Variants in ANO8 observed in about 807,000 individuals in gnomAD.
ANO8 encodes the protein anoctamin 8.
In ANO8, 67 loss-of-function variants were observed where a neutral mutation model predicts 120.4. The observed-to-expected ratio is 0.56, with a 90% CI of 0.46 to 0.68. The LOEUF (loss-of-function observed/expected upper bound fraction) is 0.68, where lower values mean the gene tolerates loss of function less well. ANO8 is among the 30% of genes least tolerant of loss of function. The pLI is 0.00. For synonymous variants in ANO8, 727 were observed against 759.2 expected (o/e 0.96, Z 0.70); for missense variants, 1,526 against 1,737.6 (o/e 0.88, Z 2.16).
rs2074282207 is a variant in ANO8, at chr19:17,327,713, G to C, written c.2394C>G (p.Arg798=). The change falls in exon 14 of 18, where the codon CGC becomes CGG. Residue 798 remains arginine (R), a synonymous_variant. Coordinates refer to ENST00000159087, the MANE Select transcript of ANO8 (RefSeq NM_020959.3). ...CTGLQRPFGQ[R]VESIGQWQKV... is the part of the protein sequence containing the mutation. ...CCTGCCACTGGCCGATGCTTTCCAC[G>C]CGCTGGCCGAAGGGCCGCTGCAGCC... The C allele has an allele frequency of 1.9e-6, 3 of 1,613,654 alleles. No homozygotes were observed. Among genetic ancestry groups the C allele is most frequent in the Non-Finnish European group, 2.5e-6 (3 of 1,179,840 alleles).
chr19:17,334,826 C>A lies in ANO8; in HGVS notation c.-156G>T. The A allele has an allele frequency of 7.9e-7, 1 of 1,259,762 alleles. No individual in the cohort carries two copies. The highest frequency in any genetic ancestry group is 1.1e-6 in the Non-Finnish European group (1 of 946,624). 78.0% of individuals were successfully genotyped at this position (1,259,762 alleles called of 1,614,324 possible). A position where few individuals can be genotyped will look rare whatever the true frequency, so the allele number is the denominator to read the frequency against. ...GTCCTCGCTCGCCCGAGCGCTGCTT[C>A]TCGTCCCCGCCCGAGCCGAACCTCG... On this transcript the variant is annotated 5_prime_UTR_variant, in exon 1 of 18. Transcript: ENST00000159087.
chr19:17,333,739 C>T lies in ANO8; in HGVS notation c.168G>A (p.Trp56Ter). Reference protein sequence around the residue: ...AGRYLVSHKAWMKTVPTENCD... With the variant: ...AGRYLVSHKA ...AGTTCTCTGTAGGCACCGTCTTCAT[C>T]CACGCCTTGTGGGACACCAGGTAGC... Residue 56 changes from tryptophan to a stop codon, truncating the protein, a stop_gained, in exon 2 of 18, where the codon TGG becomes TGA. Transcript: ENST00000159087. LOFTEE classifies it high-confidence loss of function. The surrounding 1 kb of genome is among the most constrained non-coding windows in gnomAD (Gnocchi z 7.2). 1 of 1,609,904 alleles carries T rather than the reference C, an allele frequency of 6.2e-7. No individual in the cohort carries two copies. The highest frequency in any genetic ancestry group is 8.5e-7 in the Non-Finnish European group (1 of 1,179,072).
intron 9 of ANO8, 31 bp downstream of exon 9, chr19:17,330,321 G>A: frequency 6.2e-7 from 1 of 1,611,220 alleles, no homozygotes; most frequent in East Asian, 2.2e-5. Flanking sequence ...TAGGTACCAA[G>A]GACAGGGCGG....
chr19:17,333,668 GC>G lies in ANO8; in HGVS notation c.217+21del. ...AGAGCCGCATCTGGGCACTGGGCGG[GC>G]GGGCGGGCGGGCTTGGGTACCTGGG... On this transcript the variant is annotated intron_variant, in intron 2 of 17. Transcript: ENST00000159087. This position sits in a 1 kb window ranked among gnomAD's most constrained non-coding sequence, Gnocchi z 7.2. The G allele has an allele frequency of 1.4e-6, 1 of 697,888 alleles. No individual in the cohort carries two copies. Among genetic ancestry groups the G allele is most frequent in the Non-Finnish European group, 2.3e-6 (1 of 440,248 alleles). 43.2% of individuals were successfully genotyped at this position (697,888 alleles called of 1,614,324 possible). A position where few individuals can be genotyped will look rare whatever the true frequency, so the allele number is the denominator to read the frequency against.
chr19:17,330,633 T>A, intron 8 of ANO8, 129 bp from the exon 9 acceptor site: 1 of 1,390,020 alleles, frequency 7.2e-7, no homozygotes, highest in Non-Finnish European at 9.5e-7. Context: ...GTCACCCACC[T>A]AGGGCACTGT....
rs1198072201 is a variant in ANO8, at chr19:17,323,655, G to A, written c.3561C>T (p.Pro1187=). ...AMAGPPPAPQ[P]LPGDASFYSL... is the part of the protein sequence containing the mutation. ...TGTAAAAGCTGGCGTCTCCCGGCAG[G>A]GGCTGGGGGGCGGGTGGGGGCCCGG... Residue 1187 remains proline (P), a synonymous_variant, in exon 18 of 18, where the codon CCC becomes CCT. Coordinates refer to ENST00000159087, the MANE Select transcript of ANO8 (RefSeq NM_020959.3). The A allele has an allele frequency of 4.9e-6, 6 of 1,217,928 alleles. No homozygotes were observed. The highest frequency in any genetic ancestry group is 4.3e-5 in the Admixed American group (1 of 23,344). The allele number at this position is 1,217,928 out of a possible 1,614,324, so 75.4% of individuals were successfully genotyped here.
At position 17,323,501 on chromosome 19, in the gene ANO8, G is replaced by A. The variant is rs763779028; in HGVS notation, c.*16C>T. 4.6e-6 allele frequency: 6 copies of A among 1,292,682 alleles called. No homozygotes were observed. Among genetic ancestry groups the A allele is most frequent in the Admixed American group, 3.1e-5 (1 of 32,682 alleles). The allele number at this position is 1,292,682 out of a possible 1,614,324, so 80.1% of individuals were successfully genotyped here. A position where few individuals can be genotyped will look rare whatever the true frequency, so the allele number is the denominator to read the frequency against. ...ACTGATATTGCATATGAGAAGAGAA[G>A]GCAGGGCGGGTAGAGCTAATGCCAG... On this transcript the variant is annotated 3_prime_UTR_variant, in exon 18 of 18. Coordinates refer to ENST00000159087, the MANE Select transcript of ANO8 (RefSeq NM_020959.3).
chr19:17,327,884 C>A lies in ANO8; in HGVS notation c.2227-4G>T, dbSNP rs200103975. 59 of 1,611,734 alleles carry A rather than the reference C, an allele frequency of 3.7e-5. No individual in the cohort carries two copies. Among genetic ancestry groups the A allele is most frequent in the East Asian group, 6.7e-5 (3 of 44,812 alleles). ...CCTGGTAGTCCTGGAACGTGTCCTG[C>A]GAGTGGGCGGGCCTCAGACCTGGAA... On this transcript the variant is annotated splice_polypyrimidine_tract_variant and splice_region_variant and intron_variant, in intron 13 of 17. Transcript: ENST00000159087.
chr19:17,327,901 G>A (rs752693349), intron 13 of ANO8, 21 bp from the exon 14 acceptor site: 73 of 1,607,240 alleles, frequency 4.5e-5, no homozygotes, highest in Non-Finnish European at 5.8e-5. Context: ...GCGGGCCTCA[G>A]ACCTGGAAGC....
intron 1 of ANO8, among the ~76,000 whole-genome samples, chr19:17,334,359 C>T (rs1288223796): frequency 2.0e-5 from 3 of 152,216 alleles, no homozygotes; most frequent in Admixed American, 1.3e-4. Context: ...CTCGGAGGGG[C>T]GTGTCCGCGT....
Position 17,323,367 on chromosome 19 carries a change from C to A in ANO8, c.*150G>T. On this transcript the variant is annotated 3_prime_UTR_variant, in exon 18 of 18. Transcript: ENST00000159087. ...TGTTTTCTGTTGGATTTGTGGGTTT[C>A]CTTTCGTTTGGAAAGGAAAACGGCA... 4.0e-6 allele frequency: 2 copies of A among 498,952 alleles called. No homozygotes were observed. The highest frequency in any genetic ancestry group is 3.1e-6 in the Non-Finnish European group (1 of 322,694). 30.9% of individuals were successfully genotyped at this position (498,952 alleles called of 1,614,324 possible).
intron 10 of ANO8, 35 bp from the exon 11 acceptor site, chr19:17,330,049 C>T (rs749303795): frequency 3.7e-6 from 6 of 1,613,922 alleles, no homozygotes; most frequent in Non-Finnish European, 5.1e-6. Context: ...GGGGCAGCCG[C>T]GGTCCCCCCA....
At chr19:17,324,494 C>T (rs1188318664) in intron 17 of ANO8, among the ~76,000 whole-genome samples, 2 of 151,802 alleles carry the variant, frequency 1.3e-5, no homozygotes, top group Non-Finnish European at 2.9e-5. Context: ...CTTTGGCATC[C>T]CTCCCTGGGG....
chr19:17,329,679 G>T, intron 12 of ANO8, 78 bp downstream of exon 12: 1 of 1,140,524 alleles, frequency 8.8e-7, no homozygotes, highest in Non-Finnish European at 1.3e-6. Context: ...GAGAGCCCTT[G>T]GACCCCTTGT....
Position 17,334,732 on chromosome 19 carries a change from T to A in ANO8, c.-62A>T. 1 of 1,292,534 alleles carries A rather than the reference T, an allele frequency of 7.7e-7. No individual in the cohort carries two copies. The highest frequency in any genetic ancestry group is 1.0e-6 in the Non-Finnish European group (1 of 1,003,212). The allele number at this position is 1,292,534 out of a possible 1,614,324, so 80.1% of individuals were successfully genotyped here. A position where few individuals can be genotyped will look rare whatever the true frequency, so the allele number is the denominator to read the frequency against. Reference sequence around the variant, plus strand: ...CGGGCGACGGGGAGCCGCGGGCTCATGGGGCCGGTGCAGCCGCGGAGCGCG... The same window carrying A: ...CGGGCGACGGGGAGCCGCGGGCTCAAGGGGCCGGTGCAGCCGCGGAGCGCG... On this transcript the variant is annotated 5_prime_UTR_variant, in exon 1 of 18. It removes an upstream start codon present in the reference 5' UTR. Coordinates refer to ENST00000159087, the MANE Select transcript of ANO8 (RefSeq NM_020959.3).
In ANO8 at chr19:17,323,350, GT is replaced by G. The variant is rs2074250361; in HGVS notation, c.*166del. Reference sequence around the variant, plus strand: ...GTGTGTGTGTGTGTGTGTGTTTTCTGTTGGATTTGTGGGTTTCCTTTCGTTT... The same window carrying G: ...GTGTGTGTGTGTGTGTGTGTTTTCTGTGGATTTGTGGGTTTCCTTTCGTTT... On this transcript the variant is annotated 3_prime_UTR_variant, in exon 18 of 18. Coordinates refer to ENST00000159087, the MANE Select transcript of ANO8 (RefSeq NM_020959.3). The G allele has an allele frequency of 6.0e-6, 2 of 331,348 alleles. No individual in the cohort carries two copies. Among genetic ancestry groups the G allele is most frequent in the Non-Finnish European group, 1.1e-5 (2 of 189,196 alleles). 20.5% of individuals were successfully genotyped at this position (331,348 alleles called of 1,614,324 possible).
At position 17,329,740 on chromosome 19, in the gene ANO8, T is replaced by G. The variant is rs2074302890; in HGVS notation, c.1404+17A>C. On this transcript the variant is annotated intron_variant, in intron 12 of 17. Coordinates refer to ENST00000159087, the MANE Select transcript of ANO8 (RefSeq NM_020959.3). ...CCATGGGGGCAGGGGGGACTGCCGC[T>G]GGGGCGGGGGTCTCACCTCTTTCAA... The G allele has an allele frequency of 4.4e-6, 7 of 1,606,464 alleles. No homozygotes were observed. The South Asian group carries it at 5.5e-5, about 13-fold the overall frequency.
chr19:17,326,518 A>G (rs2074274571), intron 16 of ANO8, among the ~76,000 whole-genome samples: 1 of 151,990 alleles, frequency 6.6e-6, no homozygotes, highest in East Asian at 1.9e-4. Context: ...CAAAGAAAAA[A>G]CAAAAACAAA....
At chr19:17,329,409 C>T (rs1010108675) in intron 12 of ANO8, 2 of 393,286 alleles carry the variant, frequency 5.1e-6, no homozygotes, top group Admixed American at 4.4e-5. Flanking sequence ...CCTGCCCGTA[C>T]TTTGGCCCGG....
Sources: gnomAD v4.1 joint callset for allele counts (sites outside exome capture counted in the v4.1 genomes callset) on GRCh38, gnomAD v4.1.1 for gene constraint, Gnocchi (gnomAD v3.1) non-coding constraint, MANE v1.5 for transcripts, NCBI Gene and HGNC (gene_info 2026-07-23, HGNC 2026-07-21) for gene names.